SUGCT: variants seen among roughly 807,000 people sequenced by gnomAD.
SUGCT encodes the protein succinyl-CoA:glutarate CoA-transferase.
Under a neutral mutation model 55.0 loss-of-function variants are expected in SUGCT, and 41 were observed. That is an observed-to-expected ratio of 0.74 (90% CI 0.58 to 0.97). SUGCT has a LOEUF of 0.97. SUGCT is among the 50% of genes least tolerant of loss of function. The pLI is 0.00. For synonymous variants in SUGCT, 187 were observed against 200.4 expected (o/e 0.93, Z 0.56); for missense variants, 568 against 547.8 (o/e 1.04, Z -0.37).
intron 13 of SUGCT, among the ~76,000 whole-genome samples, chr7:40,828,168 C>T (rs557505004): frequency 6.6e-6 from 1 of 152,270 alleles, no homozygotes; most frequent in South Asian, 2.1e-4. Context: ...GCAAGCATAG[C>T]TCCTATGTTC....
intron 13 of SUGCT, among the ~76,000 whole-genome samples, chr7:40,845,932 A>C (rs1408877036): frequency 6.6e-6 from 1 of 152,234 alleles, no homozygotes; most frequent in Admixed American, 6.5e-5. Context: ...TAGTATCATC[A>C]AGTTTACAGA....
intron 9 of SUGCT, among the ~76,000 whole-genome samples, chr7:40,387,419 T>C (rs1218288545): frequency 6.6e-6 from 1 of 152,136 alleles, no homozygotes. Context: ...CTATACTTAC[T>C]TTCTATTTGG....
chr7:40,320,094 A>G (rs943931489), intron 9 of SUGCT, among the ~76,000 whole-genome samples: 1 of 148,194 alleles, frequency 6.7e-6, no homozygotes, highest in African/African-American at 2.5e-5. Context: ...TAATAGTTAC[A>G]TAATATTTGT....
chr7:40,480,650 A>G (rs1233295762), intron 11 of SUGCT, among the ~76,000 whole-genome samples: 4 of 152,180 alleles, frequency 2.6e-5, no homozygotes, highest in African/African-American at 9.7e-5. Context: ...CCATGAACAT[A>G]GGGTGTATTT....
chr7:40,316,955 G>GTTTTTTTTTTTTTTTTTTTTTTT lies in SUGCT; in HGVS notation c.816+118_816+119insTTTTTTTTTTTTTTTTTTTTTTT, dbSNP rs56989808. 82 of 173,506 alleles carry GTTTTTTTTTTTTTTTTTTTTTTT rather than the reference G, an allele frequency of 4.7e-4. 3 individuals are homozygous for GTTTTTTTTTTTTTTTTTTTTTTT. Among genetic ancestry groups the GTTTTTTTTTTTTTTTTTTTTTTT allele is most frequent in the Non-Finnish European group, 7.2e-4 (67 of 93,508 alleles). The allele number at this position is 173,506 out of a possible 1,614,324, so 10.7% of individuals were successfully genotyped here. ...CTTTTTATACACAAATCCTTCAGCTGTTTTTTTTTTTTTTTTTTGTAATGT... is the reference window on the plus strand; with the variant it reads ...CTTTTTATACACAAATCCTTCAGCTGTTTTTTTTTTTTTTTTTTTTTTTTTTTTTTTTTTTTTTTTTGTAATGT... On this transcript the variant is annotated intron_variant, in intron 9 of 13. Coordinates refer to ENST00000335693, the MANE Select transcript of SUGCT (RefSeq NM_001193313.2).
intron 7 of SUGCT, among the ~76,000 whole-genome samples, chr7:40,249,313 C>CTATATATATATATATATATATA (rs57348487): frequency 1.7e-3 from 136 of 79,450 alleles, no homozygotes; most frequent in Middle Eastern, 6.8e-3. Context: ...CACCAAAAAG[C>CTATATATATATATATATATATA]TATATATATA....
chr7:40,570,357 C>T (rs564817409), intron 12 of SUGCT, among the ~76,000 whole-genome samples: 1 of 152,242 alleles, frequency 6.6e-6, no homozygotes, highest in African/African-American at 2.4e-5. Flanking sequence ...GAAGGCCCAG[C>T]CATGTTGAGA....
At chr7:40,304,275 T>C (rs1045148884) in intron 8 of SUGCT, among the ~76,000 whole-genome samples, 1 of 151,970 alleles carries the variant, frequency 6.6e-6, no homozygotes, top group Admixed American at 6.5e-5. Context: ...CTGTAGAAGT[T>C]AGAAGGAAGT....
the SUGCT span, among the ~76,000 whole-genome samples, chr7:41,030,855 C>T: frequency 6.6e-6 from 1 of 152,036 alleles, no homozygotes; most frequent in Non-Finnish European, 1.5e-5. Flanking sequence ...GTCAGACCAC[C>T]CCCAAGGGAG....
At position 40,477,348 on chromosome 7, in the gene SUGCT, T is replaced by C. The variant is rs189907088; in HGVS notation, c.986+18150T>C. Among the ~76,000 whole-genome samples, 1,113 of 152,008 alleles carry C rather than the reference T, an allele frequency of 7.3e-3. 4 individuals carry two copies. The highest frequency in any genetic ancestry group is 0.011 in the Non-Finnish European group (728 of 67,954). On this transcript the variant is annotated intron_variant, in intron 11 of 13. Transcript: ENST00000335693. ...GACAGAGAGCAGCAAGACTGGGGAG[T>C]TGGAGTCTTATTTAGAGATTTCCAA...
chr7:40,408,774 C>T (rs1786512243), intron 9 of SUGCT, among the ~76,000 whole-genome samples: 1 of 152,070 alleles, frequency 6.6e-6, no homozygotes, highest in Non-Finnish European at 1.5e-5. Context: ...CAAACAGAAG[C>T]AAAATGAAGT....
At chr7:40,572,503 C>T (rs74882424) in intron 12 of SUGCT, among the ~76,000 whole-genome samples, 1,787 of 151,862 alleles carry the variant, frequency 0.012, 16 homozygotes, top group Non-Finnish European at 0.02. Flanking sequence ...GGAGCACGTG[C>T]GGTGTGATAT....
chr7:41,013,512 C>T, the SUGCT span, among the ~76,000 whole-genome samples: 2 of 152,144 alleles, frequency 1.3e-5, no homozygotes, highest in Non-Finnish European at 2.9e-5. Flanking sequence ...AGGACATAGA[C>T]GAAAATATAG....
intron 13 of SUGCT, among the ~76,000 whole-genome samples, chr7:40,858,567 G>A (rs1173329903): frequency 6.6e-6 from 1 of 152,098 alleles, no homozygotes; most frequent in Non-Finnish European, 1.5e-5. Flanking sequence ...TGATAGACGG[G>A]TTTTAGATTA....
chr7:40,624,272 T>C (rs1304975004), intron 12 of SUGCT, among the ~76,000 whole-genome samples: 1 of 152,172 alleles, frequency 6.6e-6, no homozygotes, highest in Non-Finnish European at 1.5e-5. Flanking sequence ...AGGACCTTTT[T>C]TAGGTAATCG....
chr7:40,291,325 A>G (rs1287142782), intron 8 of SUGCT, among the ~76,000 whole-genome samples: 4 of 151,612 alleles, frequency 2.6e-5, no homozygotes, highest in Admixed American at 2.0e-4. Flanking sequence ...CTATGCAGCC[A>G]TAAAAAATGA....
the SUGCT span, among the ~76,000 whole-genome samples, chr7:40,949,226 T>C: frequency 6.6e-6 from 1 of 152,260 alleles, no homozygotes; most frequent in East Asian, 1.9e-4. Flanking sequence ...CAGTTTTTCA[T>C]GTGTCTGTTG....
chr7:40,227,603 C>A (rs1294334491), intron 6 of SUGCT, among the ~76,000 whole-genome samples: 1 of 151,982 alleles, frequency 6.6e-6, no homozygotes, highest in African/African-American at 2.4e-5. Context: ...CCAATGTCAA[C>A]TTTATTTTAT....
chr7:40,506,985 G>A (rs1217336193), intron 12 of SUGCT, among the ~76,000 whole-genome samples: 1 of 151,864 alleles, frequency 6.6e-6, no homozygotes, highest in Non-Finnish European at 1.5e-5. Flanking sequence ...GTTTTCTTTT[G>A]TTCTTTGAGC....
Sources: gnomAD v4.1 joint callset for allele counts (sites outside exome capture counted in the v4.1 genomes callset) on GRCh38, gnomAD v4.1.1 for gene constraint, MANE v1.5 for transcripts, NCBI Gene and HGNC (gene_info 2026-07-23, HGNC 2026-07-21) for gene names.